The following TDRD9 variants were observed in gnomAD, a reference collection of about 807,000 sequenced individuals.
TDRD9 encodes ATP-dependent RNA helicase TDRD9.
Under a neutral mutation model 172.6 loss-of-function variants are expected in TDRD9, and 124 were observed. The ratio of observed to expected loss-of-function variants is 0.72; its 90% confidence interval spans 0.62 to 0.83. TDRD9 has a LOEUF of 0.83. Among genes scored for constraint, TDRD9 ranks in the 40% least tolerant of loss-of-function variants. The probability of loss-of-function intolerance (pLI) is 0.00; values close to 1 mark genes in which losing one functional copy is unlikely to be tolerated. For synonymous variants in TDRD9, 619 were observed against 617.1 expected, an observed-to-expected ratio of 1.00 and a Z score of -0.05; for missense variants, 1,479 against 1,714.1, an observed-to-expected ratio of 0.86 and a Z score of 2.42.
At chr14:103,956,729 A>C (rs1205591817) in intron 2 of TDRD9, among the ~76,000 whole-genome samples, 1 of 152,244 alleles carries the variant, frequency 6.6e-6, no homozygotes, top group Non-Finnish European at 1.5e-5. Context: ...TAAAATAAAA[A>C]AGTAAAAGGT....
chr14:103,995,007 G>C (rs2034007245), intron 11 of TDRD9, among the ~76,000 whole-genome samples: 1 of 151,776 alleles, frequency 6.6e-6, no homozygotes, highest in African/African-American at 2.4e-5. Flanking sequence ...TGTAGTTAGT[G>C]GTTACTCACT....
chr14:103,942,368 G>A (rs2031289620), intron 1 of TDRD9: 1 of 152,196 alleles, frequency 6.6e-6, no homozygotes, highest in Admixed American at 6.5e-5. Flanking sequence ...ATCTTCACAA[G>A]TTATATAATG....
At chr14:103,971,119 G>A (rs1320040901) in intron 6 of TDRD9, among the ~76,000 whole-genome samples, 1 of 151,838 alleles carries the variant, frequency 6.6e-6, no homozygotes, top group East Asian at 1.9e-4. Context: ...AAGTAGCTGG[G>A]ACTACAGGCA....
At chr14:103,956,920 G>T (rs2032276482) in intron 2 of TDRD9, among the ~76,000 whole-genome samples, 1 of 152,096 alleles carries the variant, frequency 6.6e-6, no homozygotes, top group Admixed American at 6.6e-5. Context: ...ATAGATTTCT[G>T]CTAGTTCAGT....
intron 1 of TDRD9, among the ~76,000 whole-genome samples, chr14:103,946,610 A>G (rs1476261177): frequency 6.6e-6 from 1 of 152,258 alleles, no homozygotes; most frequent in Non-Finnish European, 1.5e-5. Flanking sequence ...AAGTAACATT[A>G]TCTCTGTTTG....
Position 104,032,032 on chromosome 14 carries a change from C to A in TDRD9, c.3454C>A (p.Pro1152Thr). The change falls in exon 30 of 36, where the codon CCT becomes ACT. Residue 1152 changes from proline to threonine, a missense_variant. By Grantham distance (38) the Pro-to-Thr change is conservative (BLOSUM62 -1). This residue lies in a region of TDRD9 where 1,413 missense variants were observed against 1,649.1 expected (regional missense o/e 0.86). Coordinates refer to ENST00000409874, the MANE Select transcript of TDRD9 (RefSeq NM_153046.3). ...TPNCKAELHG[P>T]FNPYELKCHS... ...GTGCACGCAGGCAGAACTTCACGGGCCTTTTAACCCTTATGAACTAAAGTG... is the reference window on the plus strand; with the variant it reads ...GTGCACGCAGGCAGAACTTCACGGGACTTTTAACCCTTATGAACTAAAGTG... 1 of 1,548,542 alleles carries A rather than the reference C, an allele frequency of 6.5e-7. No homozygotes were observed.
At chr14:103,958,088 A>C (rs1028573263) in intron 2 of TDRD9, among the ~76,000 whole-genome samples, 2 of 152,186 alleles carry the variant, frequency 1.3e-5, no homozygotes, top group Non-Finnish European at 2.9e-5. Context: ...ACAAGTAAAA[A>C]AGACTTTAAC....
At chr14:103,952,274 T>G (rs1485425137) in intron 1 of TDRD9, among the ~76,000 whole-genome samples, 2 of 114,810 alleles carry the variant, frequency 1.7e-5, no homozygotes, top group African/African-American at 6.8e-5. Flanking sequence ...AGAGTCTCGC[T>G]CGTTCGCCCA....
intron 18 of TDRD9, 42 bp downstream of exon 18, chr14:104,006,887 G>A: frequency 6.6e-7 from 1 of 1,521,206 alleles, no homozygotes; most frequent in South Asian, 1.2e-5. Context: ...AGCTACCACA[G>A]ATTGTTAGTA....
chr14:103,981,909 G>A (rs2033486286), intron 7 of TDRD9, among the ~76,000 whole-genome samples: 2 of 152,170 alleles, frequency 1.3e-5, no homozygotes, highest in African/African-American at 4.8e-5. Flanking sequence ...GTTTTGTATA[G>A]ATCCTATTAT....
chr14:103,967,379 G>T, intron 5 of TDRD9, among the ~76,000 whole-genome samples: 1 of 121,246 alleles, frequency 8.2e-6, no homozygotes, highest in Non-Finnish European at 1.7e-5. Context: ...AAAAAGATTA[G>T]CTGGGTGCGG....
chr14:103,998,789 T>C, intron 13 of TDRD9, 61 bp downstream of exon 13: 1 of 846,598 alleles, frequency 1.2e-6, no homozygotes. Flanking sequence ...CACATTCAGG[T>C]GCTTTTTTTT....
chr14:103,950,193 G>A (rs1409202733), intron 1 of TDRD9, among the ~76,000 whole-genome samples: 3 of 149,736 alleles, frequency 2.0e-5, no homozygotes, highest in Admixed American at 6.7e-5. Context: ...AGGTTCAAGC[G>A]ATTCTCCTGC....
intron 12 of TDRD9, 106 bp downstream of exon 12, chr14:103,995,913 C>A: frequency 9.9e-7 from 1 of 1,007,884 alleles, no homozygotes; most frequent in East Asian, 2.7e-5. Context: ...CATCTCCTCC[C>A]GTTTTGGAAC....
intron 1 of TDRD9, among the ~76,000 whole-genome samples, chr14:103,948,454 A>G (rs1051526502): frequency 6.6e-6 from 1 of 152,156 alleles, no homozygotes; most frequent in African/African-American, 2.4e-5. Flanking sequence ...AAAAATTAAA[A>G]ATAGAATTAC....
intron 1 of TDRD9, among the ~76,000 whole-genome samples, chr14:103,934,670 T>C (rs527568200): frequency 6.6e-6 from 1 of 152,324 alleles, no homozygotes; most frequent in East Asian, 1.9e-4. Flanking sequence ...TAGTCCCCGC[T>C]ACTCGGGAGG....
At chr14:104,003,737 CCTCA>C (rs137961671) in intron 13 of TDRD9, among the ~76,000 whole-genome samples, 6,832 of 152,134 alleles carry the variant, frequency 0.045, 394 homozygotes, top group African/African-American at 0.13. Context: ...TCTGCTTGTT[CCTCA>C]CTCGGTCACG....
chr14:103,999,930 GAAATCT>G (rs2034203267), intron 13 of TDRD9, among the ~76,000 whole-genome samples: 1 of 152,110 alleles, frequency 6.6e-6, no homozygotes, highest in Non-Finnish European at 1.5e-5. Context: ...TTTGAACCCA[GAAATCT>G]GGCTTTGGTC....
chr14:103,995,949 G>T, intron 12 of TDRD9, 142 bp downstream of exon 12: 1 of 735,196 alleles, frequency 1.4e-6, no homozygotes, highest in Non-Finnish European at 2.1e-6. Flanking sequence ...GTAGGTTTAC[G>T]TAGTTTCTCC....
Sources: allele counts gnomAD v4.1 joint callset (sites outside exome capture counted in the v4.1 genomes callset), GRCh38; gene constraint gnomAD v4.1.1; regional missense constraint gnomAD v4.1.1; transcripts MANE v1.5; gene names NCBI Gene and HGNC (gene_info 2026-07-23, HGNC 2026-07-21).